CD86: variants seen among roughly 807,000 people sequenced by gnomAD.
CD86 encodes the protein T-lymphocyte activation antigen CD86.
A neutral mutation model predicts 32.1 loss-of-function variants in CD86; 11 were observed. The ratio of observed to expected loss-of-function variants is 0.34; its 90% CI spans 0.22 to 0.57. The LOEUF is 0.57. Among genes scored for constraint, CD86 ranks in the 20% least tolerant of loss-of-function variants. CD86 has a pLI of 0.86. For missense variants in CD86, 359 were observed against 398.4 expected (o/e 0.90, Z 0.84); for synonymous variants, 137 against 135.3 (o/e 1.01, Z -0.09).
intron 2 of CD86, among the ~76,000 whole-genome samples, chr3:122,100,105 G>T (rs995291392): frequency 6.6e-6 from 1 of 152,174 alleles, no homozygotes; most frequent in Non-Finnish European, 1.5e-5. Context: ...TAGTCTGCGG[G>T]TGTAGACCTG....
chr3:122,114,492 C>T (rs1490332703), intron 5 of CD86, among the ~76,000 whole-genome samples: 1 of 152,154 alleles, frequency 6.6e-6, no homozygotes, highest in Non-Finnish European at 1.5e-5. Context: ...TATGATTGCT[C>T]TAGTTTGCTG....
intron 2 of CD86, chr3:122,092,007 C>T (rs2072831942): frequency 5.2e-6 from 1 of 190,858 alleles, no homozygotes; most frequent in African/African-American, 2.3e-5. Flanking sequence ...CACATATTCT[C>T]TTCTGGTCTT....
chr3:122,103,595 C>T lies in CD86; in HGVS notation c.148C>T (p.Leu50=). The change falls in exon 3 of 7, where the codon CTG becomes TTG. Residue 50 remains leucine (L), a synonymous_variant. Transcript: ENST00000330540. The part of the protein sequence containing the change: ...CQFANSQNQS[L]SELVVFWQDQ... ...ATTTGCAAACTCTCAAAACCAAAGCCTGAGTGAGCTAGTAGTATTTTGGCA... is the reference window on the plus strand; with the variant it reads ...ATTTGCAAACTCTCAAAACCAAAGCTTGAGTGAGCTAGTAGTATTTTGGCA... 1.2e-6 allele frequency: 2 copies of T among 1,613,936 alleles called. No homozygotes were observed. Among genetic ancestry groups the T allele is most frequent in the African/African-American group, 2.7e-5 (2 of 74,984 alleles).
At chr3:122,068,886 A>G (rs1324006184) in intron 1 of CD86, among the ~76,000 whole-genome samples, 1 of 152,216 alleles carries the variant, frequency 6.6e-6, no homozygotes, top group Non-Finnish European at 1.5e-5. Flanking sequence ...TCCTCTCTAC[A>G]GTGTTATCCA....
chr3:122,100,702 A>G (rs1191317759), intron 2 of CD86, among the ~76,000 whole-genome samples: 1 of 152,200 alleles, frequency 6.6e-6, no homozygotes, highest in Non-Finnish European at 1.5e-5. Context: ...GTCCTTAATT[A>G]TCCTTTGAAA....
rs11575853 is a variant in CD86 at position 122,055,434 on chromosome 3, A to G, written c.-56A>G. The G allele has an allele frequency of 0.029, 46,761 of 1,585,388 alleles. 801 individuals carry two copies. Among genetic ancestry groups the G allele is most frequent in the Non-Finnish European group, 0.035 (40,441 of 1,153,816 alleles). On this transcript the variant is annotated 5_prime_UTR_variant, in exon 1 of 7. Transcript: ENST00000330540. ...GCTGCTGTAACAGGGACTAGCACAG[A>G]CACACGGATGAGTGGGGTCATTTCC...
chr3:122,118,487 A>C (rs1397244074), intron 6 of CD86, among the ~76,000 whole-genome samples: 3 of 152,234 alleles, frequency 2.0e-5, no homozygotes, highest in African/African-American at 7.2e-5. Flanking sequence ...CTTCAGCCTG[A>C]GCATCTTAGT....
chr3:122,081,114 T>G (rs2072627886), intron 1 of CD86, among the ~76,000 whole-genome samples: 1 of 152,226 alleles, frequency 6.6e-6, no homozygotes, highest in South Asian at 2.1e-4. Flanking sequence ...AAATATGAAT[T>G]CCTTATTTGA....
Position 122,106,415 on chromosome 3 carries a change from A to G in CD86, c.618A>G (p.Ser206=), listed in dbSNP as rs375108955. Reference sequence around the variant, plus strand: ...ACGTTTCCATCAGCTTGTCTGTTTCATTCCCTGATGTTACGAGCAATATGA... The same window carrying G: ...ACGTTTCCATCAGCTTGTCTGTTTCGTTCCCTGATGTTACGAGCAATATGA... ...LYDVSISLSV[S]FPDVTSNMTI... is the part of the protein sequence containing the mutation. The change falls in exon 4 of 7, where the codon TCA becomes TCG. Residue 206 remains serine (S), a synonymous_variant. Coordinates refer to ENST00000330540, the MANE Select transcript of CD86 (RefSeq NM_175862.5). The G allele has an allele frequency of 6.2e-7, 1 of 1,614,062 alleles. No homozygotes were observed.
chr3:122,072,682 C>T (rs2072505176), intron 1 of CD86, among the ~76,000 whole-genome samples: 2 of 151,994 alleles, frequency 1.3e-5, no homozygotes, highest in Admixed American at 1.3e-4. Flanking sequence ...TTGTAGGTTG[C>T]CTGTTCACTC....
At chr3:122,082,840 T>C (rs1177920540) in intron 1 of CD86, among the ~76,000 whole-genome samples, 2 of 152,246 alleles carry the variant, frequency 1.3e-5, no homozygotes, top group African/African-American at 4.8e-5. Flanking sequence ...CAGCATAAGT[T>C]TGATTTCTGT....
chr3:122,097,538 G>A (rs1576777670), intron 2 of CD86, among the ~76,000 whole-genome samples: 1 of 152,222 alleles, frequency 6.6e-6, no homozygotes. Context: ...TATACCAGTC[G>A]AGGGTCAGGT....
At chr3:122,064,152 C>A (rs2072380264) in intron 1 of CD86, among the ~76,000 whole-genome samples, 1 of 151,708 alleles carries the variant, frequency 6.6e-6, no homozygotes, top group South Asian at 2.1e-4. Flanking sequence ...CCAGACCAGA[C>A]AGTTGTGACA....
At chr3:122,078,037 T>G in intron 1 of CD86, 1 of 985,588 alleles carries the variant, frequency 1.0e-6, no homozygotes, top group Non-Finnish European at 1.2e-6. Context: ...GGACAGGCAT[T>G]TGTGACAGGT....
rs1040643814 is a variant in CD86 at position 122,119,868 on chromosome 3, T to G, written c.*334T>G. 5.4e-6 allele frequency: 1 copy of G among 184,356 alleles called. No homozygotes were observed. The highest frequency in any genetic ancestry group is 6.0e-5 in the Admixed American group (1 of 16,614). The allele number at this position is 184,356 out of a possible 1,614,324, so 11.4% of individuals were successfully genotyped here. On this transcript the variant is annotated 3_prime_UTR_variant, in exon 7 of 7. Coordinates refer to ENST00000330540, the MANE Select transcript of CD86 (RefSeq NM_175862.5). ...TCTTAATTTCATAGATTGTGTTTTTTTTTTAAATAGACCTCTCAATTTCTG... is the reference window on the plus strand; with the variant it reads ...TCTTAATTTCATAGATTGTGTTTTTGTTTTAAATAGACCTCTCAATTTCTG...
At chr3:122,117,643 G>A (rs942188313) in intron 5 of CD86, among the ~76,000 whole-genome samples, 2 of 152,214 alleles carry the variant, frequency 1.3e-5, no homozygotes, top group African/African-American at 2.4e-5. Flanking sequence ...CTGGCTAGCC[G>A]ATTTAGGCAT....
intron 1 of CD86, among the ~76,000 whole-genome samples, chr3:122,074,313 C>T (rs1403549041): frequency 3.3e-5 from 5 of 152,212 alleles, no homozygotes; most frequent in African/African-American, 1.2e-4. Flanking sequence ...AAAGCACTCT[C>T]TTCCTCTCTT....
intron 1 of CD86, among the ~76,000 whole-genome samples, chr3:122,068,801 A>G (rs1391759897): frequency 6.6e-6 from 1 of 152,220 alleles, no homozygotes; most frequent in Non-Finnish European, 1.5e-5. Context: ...TGTAAATCCT[A>G]TTGCATAACT....
At chr3:122,101,158 A>T (rs1000453825) in intron 2 of CD86, among the ~76,000 whole-genome samples, 33 of 151,886 alleles carry the variant, frequency 2.2e-4, no homozygotes, top group Non-Finnish European at 4.0e-4. Context: ...TGGAAAAAAA[A>T]TTTTCATGTC....
Sources: allele counts gnomAD v4.1 joint callset (sites outside exome capture counted in the v4.1 genomes callset), GRCh38; gene constraint gnomAD v4.1.1; transcripts MANE v1.5; gene names NCBI Gene and HGNC (gene_info 2026-07-23, HGNC 2026-07-21).